The following TASOR variants were observed in gnomAD, a reference collection of about 807,000 sequenced individuals.
TASOR encodes the protein transcription activation suppressor.
In TASOR, 53 loss-of-function variants were observed where a neutral mutation model predicts 178.6. The ratio of observed to expected loss-of-function variants is 0.30; its 90% confidence interval spans 0.24 to 0.37. TASOR has a LOEUF of 0.37. TASOR is among the 10% of genes least tolerant of loss of function. TASOR has a pLI of 1.00. For missense variants in TASOR, 1,815 were observed against 1,971.4 expected, an observed-to-expected ratio of 0.92 and a Z score of 1.50; for synonymous variants, 713 against 696.2, an observed-to-expected ratio of 1.02 and a Z score of -0.38.
At chr3:56,661,176 T>C (rs2077585974) in intron 9 of TASOR, among the ~76,000 whole-genome samples, 159 bp from the exon 10 acceptor site, 2 of 152,210 alleles carry the variant, frequency 1.3e-5, no homozygotes, top group South Asian at 2.1e-4. Flanking sequence ...TGTGACAGTC[T>C]CACTCTGTCA....
Position 56,665,144 on chromosome 3 carries a change from C to T in TASOR, c.1022+1116G>A, listed in dbSNP as rs555655603. 6.6e-5 allele frequency among the ~76,000 whole-genome samples: 10 copies of T among 152,036 alleles called. No homozygotes were observed. In the South Asian group the frequency reaches 1.9e-3, roughly 28 times the overall value. ...GCTTTACTCACTACAGCCTGGGCAA[C>T]AGAGCAAGACTTTGTCTCTAAAGAG... On this transcript the variant is annotated intron_variant, in intron 7 of 23. Coordinates refer to ENST00000683822, the MANE Select transcript of TASOR (RefSeq NM_001365635.2).
rs759278728 is a variant in TASOR at position 56,646,598 on chromosome 3, C to G, written c.2139G>C (p.Lys713Asn). 4 of 1,613,194 alleles carry G rather than the reference C, an allele frequency of 2.5e-6. No homozygotes were observed. The highest frequency in any genetic ancestry group is 3.4e-6 in the Non-Finnish European group (4 of 1,179,948). The change falls in exon 14 of 24, where the codon AAG (lysine) becomes AAC (asparagine). Residue 713 changes from lysine (K) to asparagine (N), a missense_variant. Lys to Asn is a moderately conservative substitution (Grantham distance 94). Around this residue, in one of 5 missense-constraint regions of TASOR, gnomAD observed 655 missense variants for 671.1 expected, o/e 0.98. Transcript: ENST00000683822. Reference sequence around the variant, plus strand: ...TCATATTTTCAGGTAGATCCTCAAGCTTCCTCTTCAAGACAGTTTTGCTTC... The same window carrying G: ...TCATATTTTCAGGTAGATCCTCAAGGTTCCTCTTCAAGACAGTTTTGCTTC... ...DMRSKTVLKR[K>N]LEDLPENMRK...
intron 16 of TASOR, among the ~76,000 whole-genome samples, chr3:56,639,223 T>C (rs2077073223): frequency 6.6e-6 from 1 of 152,220 alleles, no homozygotes; most frequent in Non-Finnish European, 1.5e-5. Flanking sequence ...GTCTACTTTG[T>C]AACAAAAAGT....
intron 11 of TASOR, among the ~76,000 whole-genome samples, chr3:56,658,097 G>C (rs553439337): frequency 6.6e-6 from 1 of 152,314 alleles, no homozygotes; most frequent in Non-Finnish European, 1.5e-5. Context: ...TCAATGCACT[G>C]CTCATTATCA....
rs1362381693 is a variant in TASOR at position 56,682,854 on chromosome 3, G to A, written c.153C>T (p.Pro51=). ...TCTCCTCACGCCCAGCGCCGCCGCTGGGCTCAGCGATGTTGAGGCCGCCGC... is the reference window on the plus strand; with the variant it reads ...TCTCCTCACGCCCAGCGCCGCCGCTAGGCTCAGCGATGTTGAGGCCGCCGC... ...GGGGGLNIAE[P]SGGAGREENA... is the part of the protein sequence containing the mutation. Residue 51 remains proline, a synonymous_variant, in exon 1 of 24, where the codon CCC becomes CCT. Coordinates refer to ENST00000683822, the MANE Select transcript of TASOR (RefSeq NM_001365635.2). 4 of 1,550,364 alleles carry A rather than the reference G, an allele frequency of 2.6e-6. No homozygotes were observed. Among genetic ancestry groups the A allele is most frequent in the African/African-American group, 1.4e-5 (1 of 72,910 alleles).
At chr3:56,654,914 C>A (rs2077437808) in intron 11 of TASOR, among the ~76,000 whole-genome samples, 1 of 152,198 alleles carries the variant, frequency 6.6e-6, no homozygotes, top group Admixed American at 6.5e-5. Context: ...AGCTTGTTAA[C>A]TGCAGATATG....
intron 1 of TASOR, among the ~76,000 whole-genome samples, chr3:56,673,996 A>G (rs925739133): frequency 1.3e-5 from 2 of 152,152 alleles, no homozygotes; most frequent in African/African-American, 2.4e-5. Context: ...TAGGCATGCT[A>G]TATTAGGCAA....
In TASOR at chr3:56,682,929, C is replaced by T. The variant is rs1462474003; in HGVS notation, c.78G>A (p.Glu26=). 1.3e-6 allele frequency: 2 copies of T among 1,539,274 alleles called. No individual in the cohort carries two copies. The highest frequency in any genetic ancestry group is 2.7e-5 in the African/African-American group (2 of 72,886). ...CAAGCTCCGGAAGCGCCTGCTTCATCTCGTCGTCTCCGCCGCCGCCACTTT... is the reference window on the plus strand; with the variant it reads ...CAAGCTCCGGAAGCGCCTGCTTCATTTCGTCGTCTCCGCCGCCGCCACTTT... ...SWESGGGGDD[E]MKQALPELES... The change falls in exon 1 of 24, where the codon GAG becomes GAA. Residue 26 remains glutamate (E), a synonymous_variant. Transcript: ENST00000683822.
At chr3:56,666,152 TAAAA>T in intron 7 of TASOR, 104 bp downstream of exon 7, 11 of 855,714 alleles carry the variant, frequency 1.3e-5, no homozygotes, top group African/African-American at 3.6e-5. Flanking sequence ...CAAGGGAAGT[TAAAA>T]AAAAAAAAAT....
Position 56,621,525 on chromosome 3 carries a change from A to AT in TASOR, c.*1511dup. On this transcript the variant is annotated 3_prime_UTR_variant, in exon 24 of 24. Coordinates refer to ENST00000683822, the MANE Select transcript of TASOR (RefSeq NM_001365635.2). ...TTACTAACAAACATATATCAATGTG[A>AT]TTTCAGGGCCTTCTCCAGAAGCAAA... The AT allele has an allele frequency of 2.5e-6, 4 of 1,575,030 alleles. No individual in the cohort carries two copies. The highest frequency in any genetic ancestry group is 2.6e-6 in the Non-Finnish European group (3 of 1,160,390).
intron 8 of TASOR, 116 bp from the exon 9 acceptor site, chr3:56,662,606 C>CAAA: frequency 1.4e-5 from 5 of 352,814 alleles, no homozygotes; most frequent in Admixed American, 5.1e-5. Context: ...AGTAGGAGGG[C>CAAA]AAAAAAAAAA....
At position 56,647,046 on chromosome 3, in the gene TASOR, C is replaced by T. The variant is rs766983325; in HGVS notation, c.1691G>A (p.Arg564Gln). The T allele has an allele frequency of 1.9e-6, 3 of 1,602,110 alleles. No individual in the cohort carries two copies. The highest frequency in any genetic ancestry group is 1.1e-5 in the South Asian group (1 of 87,986). Residue 564 changes from arginine (R) to glutamine (Q), a missense_variant, in exon 14 of 24, where the codon CGA becomes CAA. Arg to Gln is a conservative substitution (Grantham distance 43). Transcript: ENST00000683822. Reference protein sequence around the residue: ...VEKYVSEFFKRGFGSGKREFI... With the variant: ...VEKYVSEFFKQGFGSGKREFI... Reference sequence around the variant, plus strand: ...CTCTCGTTTACCTGAACCAAAACCTCGCTTAAAAAATTCACTTACATACTT... The same window carrying T: ...CTCTCGTTTACCTGAACCAAAACCTTGCTTAAAAAATTCACTTACATACTT...
chr3:56,623,650 TA>T, intron 23 of TASOR, 84 bp from the exon 24 acceptor site: 3 of 1,543,766 alleles, frequency 1.9e-6, no homozygotes, highest in Non-Finnish European at 1.7e-6. Context: ...TCACACAATA[TA>T]ACGCGTCAGG....
rs146892187 is a variant in TASOR at position 56,621,592 on chromosome 3, G to A, written c.*1445C>T. The A allele has an allele frequency of 6.3e-7, 1 of 1,598,848 alleles. No homozygotes were observed. The highest frequency in any genetic ancestry group is 8.5e-7 in the Non-Finnish European group (1 of 1,173,264). On this transcript the variant is annotated 3_prime_UTR_variant, in exon 24 of 24. Transcript: ENST00000683822. Reference sequence around the variant, plus strand: ...TCTCCTGCCTTTAGCTGAAAATCAAGAAGAGAGTTTTGGTTCTTCATTTTA... The same window carrying A: ...TCTCCTGCCTTTAGCTGAAAATCAAAAAGAGAGTTTTGGTTCTTCATTTTA...
In TASOR at chr3:56,647,228, A is replaced by C; in HGVS notation, c.1514-5T>G. 1 of 1,518,444 alleles carries C rather than the reference A, an allele frequency of 6.6e-7. No individual in the cohort carries two copies. Among genetic ancestry groups the C allele is most frequent in the Non-Finnish European group, 8.8e-7 (1 of 1,140,324 alleles). 94.1% of individuals were successfully genotyped at this position (1,518,444 alleles called of 1,614,324 possible). The stretch of plus-strand genomic sequence containing the variant: ...CATTGGTTGAACCTTTTTGTGCTGT[A>C]AATAAAACAAACAAACAAAAAAGCA... On this transcript the variant is annotated splice_polypyrimidine_tract_variant and splice_region_variant and intron_variant, in intron 13 of 23. Coordinates refer to ENST00000683822, the MANE Select transcript of TASOR (RefSeq NM_001365635.2).
chr3:56,646,972 A>G lies in TASOR; in HGVS notation c.1765T>C (p.Tyr589His), dbSNP rs2077249890. ...TGGGATTTATTTCTGGGAGCTGAGT[A>G]TAAGAATTTTTTATCATCTAATCGT... ...DSRLDDKKFL[Y>H]SAPRNKSHID... Residue 589 changes from tyrosine to histidine, a missense_variant, in exon 14 of 24, where the codon TAC (tyrosine) becomes CAC (histidine). Transcript: ENST00000683822. 2 of 1,607,744 alleles carry G rather than the reference A, an allele frequency of 1.2e-6. No homozygotes were observed. The highest frequency in any genetic ancestry group is 1.7e-6 in the Non-Finnish European group (2 of 1,178,622).
chr3:56,676,875 GA>G (rs1449524163), intron 1 of TASOR, among the ~76,000 whole-genome samples: 1 of 152,062 alleles, frequency 6.6e-6, no homozygotes, highest in Non-Finnish European at 1.5e-5. Context: ...CAGCTGACAG[GA>G]AAAAAATTAT....
intron 4 of TASOR, 83 bp from the exon 5 acceptor site, chr3:56,669,874 T>C (rs769952160): frequency 5.5e-6 from 6 of 1,086,264 alleles, no homozygotes; most frequent in Non-Finnish European, 7.9e-6. Flanking sequence ...TAAGAAGTTA[T>C]CCTTCATCAA....
chr3:56,648,022 G>C (rs2077271716), intron 13 of TASOR, among the ~76,000 whole-genome samples: 1 of 151,906 alleles, frequency 6.6e-6, no homozygotes, highest in South Asian at 2.1e-4. Context: ...AATATAGTGA[G>C]ATCCTGCTTC....
Sources: allele counts gnomAD v4.1 joint callset (sites outside exome capture counted in the v4.1 genomes callset), GRCh38; gene constraint gnomAD v4.1.1; regional missense constraint gnomAD v4.1.1; transcripts MANE v1.5; gene names NCBI Gene and HGNC (gene_info 2026-07-23, HGNC 2026-07-21).